Variants in PIP5K1A observed in about 807,000 individuals in gnomAD.
PIP5K1A encodes the protein phosphatidylinositol-4-phosphate 5-kinase type 1 alpha, also known as phosphatidylinositol 4-phosphate 5-kinase type-1 alpha.
PIP5K1A carries 46 observed loss-of-function variants against 72.9 expected under a neutral mutation model. The ratio of observed to expected loss-of-function variants is 0.63; its 90% CI spans 0.50 to 0.81. The LOEUF (loss-of-function observed/expected upper bound fraction) is 0.81, where lower values mean the gene tolerates loss of function less well. Among genes scored for constraint, PIP5K1A ranks in the 30% least tolerant of loss-of-function variants. The pLI is 0.00. For synonymous variants in PIP5K1A, 228 were observed against 255.1 expected (o/e 0.89, Z 1.01); for missense variants, 458 against 706.1 (o/e 0.65, Z 3.98).
intron 1 of PIP5K1A, among the ~76,000 whole-genome samples, chr1:151,223,244 G>A (rs1299678087): frequency 6.6e-6 from 1 of 151,980 alleles, no homozygotes; most frequent in East Asian, 1.9e-4. Flanking sequence ...CCAGCTACTC[G>A]GGAGGTTGAG....
chr1:151,207,177 T>A (rs1432183992), intron 1 of PIP5K1A, among the ~76,000 whole-genome samples: 1 of 152,120 alleles, frequency 6.6e-6, no homozygotes, highest in Non-Finnish European at 1.5e-5. Flanking sequence ...GTCTGAAATA[T>A]GTTCATTTTA....
upstream of PIP5K1A, among the ~76,000 whole-genome samples, chr1:151,197,209 G>C (rs1431515455): frequency 6.6e-6 from 1 of 151,776 alleles, no homozygotes; most frequent in Non-Finnish European, 1.5e-5. Context: ...TACTTTATGA[G>C]GACCCACAAG....
At chr1:151,208,968 G>A (rs1686390194) in intron 1 of PIP5K1A, among the ~76,000 whole-genome samples, 1 of 150,796 alleles carries the variant, frequency 6.6e-6, no homozygotes, top group Non-Finnish European at 1.5e-5. Flanking sequence ...TTCTGACCTG[G>A]TGATCTGCCT....
chr1:151,234,568 G>A, intron 8 of PIP5K1A, 72 bp downstream of exon 8: 1 of 1,223,200 alleles, frequency 8.2e-7, no homozygotes, highest in Non-Finnish European at 1.2e-6. Flanking sequence ...CATTAAGTTT[G>A]TGGGAGATGG....
At chr1:151,208,542 G>C (rs1410233327) in intron 1 of PIP5K1A, among the ~76,000 whole-genome samples, 2 of 150,340 alleles carry the variant, frequency 1.3e-5, no homozygotes, top group Non-Finnish European at 3.0e-5. Context: ...TGTATTTTTA[G>C]TAGAGACGGG....
chr1:151,237,521 G>A (rs1167693917), intron 9 of PIP5K1A, among the ~76,000 whole-genome samples: 1 of 152,124 alleles, frequency 6.6e-6, no homozygotes, highest in Admixed American at 6.6e-5. Context: ...TTACCTGAGT[G>A]TGATGGTGAG....
Position 151,232,579 on chromosome 1 carries a change from A to T in PIP5K1A, c.515A>T (p.Glu172Val). The T allele has an allele frequency of 6.2e-7, 1 of 1,607,152 alleles. No individual in the cohort carries two copies. Among genetic ancestry groups the T allele is most frequent in the Non-Finnish European group, 8.5e-7 (1 of 1,178,208 alleles). The change falls in exon 7 of 16, where the codon GAA becomes GTA. Residue 172 changes from glutamate (E) to valine (V), a missense_variant. Glu to Val is a moderately radical substitution (Grantham distance 121, BLOSUM62 -2). Around this residue, in one of 3 missense-constraint regions of PIP5K1A, gnomAD observed 220 missense variants for 442.6 expected, o/e 0.50. Transcript: ENST00000368888. Reference protein sequence around the residue: ...LYSLCSEPLIELCSSGASGSL... With the variant: ...LYSLCSEPLIVLCSSGASGSL... ...TCCCTCTGCAGTGAGCCGCTGATTG[A>T]ACTCTGTAGCTCTGGAGCTAGTGGT... is the stretch of plus-strand genomic sequence containing the variant.
intron 1 of PIP5K1A, among the ~76,000 whole-genome samples, chr1:151,210,629 G>A (rs953531963): frequency 6.6e-6 from 1 of 152,136 alleles, no homozygotes; most frequent in African/African-American, 2.4e-5. Flanking sequence ...CTGTTGCCCA[G>A]GCTGGAGTGT....
At chr1:151,236,150 A>T (rs1289379524) in intron 8 of PIP5K1A, among the ~76,000 whole-genome samples, 1 of 150,004 alleles carries the variant, frequency 6.7e-6, no homozygotes, top group African/African-American at 2.5e-5. Context: ...TTAGCCTTAC[A>T]GGTTCACTGT....
At chr1:151,236,786 G>A (rs779944691) in intron 9 of PIP5K1A, 23 bp downstream of exon 9, 1 of 1,529,216 alleles carries the variant, frequency 6.5e-7, no homozygotes, top group African/African-American at 1.4e-5. Flanking sequence ...AGGGCCACTA[G>A]GGGGGAGAAC....
intron 1 of PIP5K1A, among the ~76,000 whole-genome samples, chr1:151,209,728 C>G (rs893371029): frequency 3.1e-4 from 46 of 149,366 alleles, no homozygotes; most frequent in African/African-American, 1.1e-3. Context: ...TGTGAGCCAC[C>G]GTGCCCCGCC....
At position 151,240,014 on chromosome 1, in the gene PIP5K1A, C is replaced by T. The variant is rs754750579; in HGVS notation, c.1338C>T (p.Cys446=). 9.3e-6 allele frequency: 15 copies of T among 1,612,214 alleles called. No individual in the cohort carries two copies. The African/African-American group carries it at 1.6e-4, about 17-fold the overall frequency. The change falls in exon 12 of 16, where the codon TGC becomes TGT. Residue 446 remains cysteine, a synonymous_variant. Coordinates refer to ENST00000368888, the MANE Select transcript of PIP5K1A (RefSeq NM_001135638.2). The part of the protein sequence containing the change: ...FYAERFQRFM[C]NTVFKKIPLK... ...CTGAACGGTTCCAGCGCTTCATGTGCAACACAGTATTTAAGAAGATTCCCT... is the reference window on the plus strand; with the variant it reads ...CTGAACGGTTCCAGCGCTTCATGTGTAACACAGTATTTAAGAAGATTCCCT...
intron 14 of PIP5K1A, among the ~76,000 whole-genome samples, chr1:151,243,241 C>G (rs900191655): frequency 2.0e-5 from 3 of 152,152 alleles, no homozygotes; most frequent in African/African-American, 7.2e-5. Flanking sequence ...ATACACTGAC[C>G]CCCTCCCAGG....
intron 1 of PIP5K1A, among the ~76,000 whole-genome samples, chr1:151,203,535 A>C (rs1015322201): frequency 1.3e-5 from 2 of 151,664 alleles, no homozygotes; most frequent in African/African-American, 4.8e-5. Flanking sequence ...ATCTCAAAAA[A>C]AAAAAAAAGG....
chr1:151,197,747 G>C (rs190601364), upstream of PIP5K1A, among the ~76,000 whole-genome samples: 1 of 152,334 alleles, frequency 6.6e-6, no homozygotes, highest in Admixed American at 6.5e-5. Context: ...AGATACAAGA[G>C]TGAACCAAAC....
chr1:151,214,374 T>C (rs1201614302), intron 1 of PIP5K1A, among the ~76,000 whole-genome samples: 2 of 150,866 alleles, frequency 1.3e-5, no homozygotes, highest in African/African-American at 2.4e-5. Context: ...TTTTTTGTTT[T>C]TGTTTTTGTT....
intron 1 of PIP5K1A, among the ~76,000 whole-genome samples, chr1:151,223,581 G>T (rs1321714847): frequency 4.8e-5 from 7 of 146,742 alleles, no homozygotes; most frequent in African/African-American, 1.5e-4. Context: ...GGAGGTGGAG[G>T]TTGCAGTGAG....
intron 1 of PIP5K1A, among the ~76,000 whole-genome samples, chr1:151,209,308 C>T (rs587770638): frequency 6.6e-6 from 1 of 152,112 alleles, no homozygotes; most frequent in South Asian, 2.1e-4. Flanking sequence ...GAGTCTTGCT[C>T]TGTCGCCCAG....
intron 1 of PIP5K1A, among the ~76,000 whole-genome samples, chr1:151,214,581 A>G (rs1687304102): frequency 6.6e-6 from 1 of 152,008 alleles, no homozygotes; most frequent in African/African-American, 2.4e-5. Context: ...GGGTTTTGCC[A>G]TGTTGGTCAG....
Sources: allele counts gnomAD v4.1 joint callset (sites outside exome capture counted in the v4.1 genomes callset), GRCh38; gene constraint gnomAD v4.1.1; regional missense constraint gnomAD v4.1.1; transcripts MANE v1.5; gene names NCBI Gene and HGNC (gene_info 2026-07-23, HGNC 2026-07-21).